Variants in LIPA observed in about 807,000 individuals in gnomAD.
The protein encoded by LIPA is lysosomal acid lipase/cholesteryl ester hydrolase.
A neutral mutation model predicts 40.6 loss-of-function variants in LIPA; 26 were observed. That is an observed-to-expected ratio of 0.64 (90% CI 0.47 to 0.89). The LOEUF is 0.89. LIPA is among the 40% of genes least tolerant of loss of function. The pLI is 0.00. For synonymous variants in LIPA, 188 were observed against 168.4 expected (o/e 1.12, Z -0.90); for missense variants, 455 against 479.6 (o/e 0.95, Z 0.48).
intron 3 of LIPA, among the ~76,000 whole-genome samples, chr10:89,232,844 A>C (rs768323214): frequency 6.6e-6 from 1 of 152,242 alleles, no homozygotes; most frequent in Non-Finnish European, 1.5e-5. Flanking sequence ...GAAAGTCTTT[A>C]AACATCCCCA....
At chr10:89,274,890 G>A (rs928182730) in intron 1 of LIPA, among the ~76,000 whole-genome samples, 1 of 152,154 alleles carries the variant, frequency 6.6e-6, no homozygotes, top group African/African-American at 2.4e-5. Context: ...GAGGCTTCTG[G>A]TGCTATGACT....
At chr10:89,410,168 G>T (rs918700099) in intron 2 of LIPA, among the ~76,000 whole-genome samples, 1 of 152,326 alleles carries the variant, frequency 6.6e-6, no homozygotes, top group South Asian at 2.1e-4. Flanking sequence ...CCATCTTAGT[G>T]TCAGAGGCTA....
At chr10:89,307,346 C>T (rs769162047) in intron 1 of LIPA, 1 of 1,604,588 alleles carries the variant, frequency 6.2e-7, no homozygotes, top group Non-Finnish European at 8.5e-7. Flanking sequence ...AAGCCTCATC[C>T]CTTCAGCATC....
At chr10:89,384,717 T>C in intron 2 of LIPA, 1 of 1,611,598 alleles carries the variant, frequency 6.2e-7, no homozygotes, top group Non-Finnish European at 8.5e-7. Flanking sequence ...GGCTGGCTGC[T>C]GACCTGAACC....
intron 2 of LIPA, chr10:89,403,188 G>A (rs1327948675): frequency 9.3e-6 from 15 of 1,613,974 alleles, no homozygotes; most frequent in African/African-American, 1.3e-5. Flanking sequence ...AATCAAGGAG[G>A]CTACAAAAGG....
chr10:89,275,116 A>G (rs1388529707), intron 1 of LIPA, among the ~76,000 whole-genome samples: 1 of 152,180 alleles, frequency 6.6e-6, no homozygotes, highest in Non-Finnish European at 1.5e-5. Flanking sequence ...TCGTGTTTTC[A>G]GTCAGGATGA....
At chr10:89,300,495 T>G (rs1415185418) in intron 1 of LIPA, among the ~76,000 whole-genome samples, 1 of 152,208 alleles carries the variant, frequency 6.6e-6, no homozygotes. Context: ...TCATTAAACA[T>G]TCTTTGCACG....
chr10:89,275,840 C>G, intron 1 of LIPA, among the ~76,000 whole-genome samples: 1 of 152,280 alleles, frequency 6.6e-6, no homozygotes, highest in Middle Eastern at 3.4e-3. Flanking sequence ...AGCTCTAGGG[C>G]TATCAGGTGA....
chr10:89,378,486 AG>A (rs1420168564), intron 2 of LIPA, among the ~76,000 whole-genome samples: 2 of 152,140 alleles, frequency 1.3e-5, no homozygotes, highest in African/African-American at 4.8e-5. Flanking sequence ...CTATAGCTGT[AG>A]GGGAGGGGCT....
chr10:89,255,862 G>A (rs1447454301), upstream of LIPA, among the ~76,000 whole-genome samples: 2 of 152,206 alleles, frequency 1.3e-5, no homozygotes, highest in African/African-American at 2.4e-5. Context: ...GCAAACAGAG[G>A]ACATGGTTAC....
chr10:89,366,876 G>A (rs1564800769), intron 2 of LIPA, among the ~76,000 whole-genome samples: 1 of 152,148 alleles, frequency 6.6e-6, no homozygotes, highest in Non-Finnish European at 1.5e-5. Context: ...ACATGCACAC[G>A]TATGTTTATT....
At chr10:89,362,510 G>T (rs2133592745) in intron 2 of LIPA, 1 of 236,206 alleles carries the variant, frequency 4.2e-6, no homozygotes, top group East Asian at 9.0e-5. Context: ...ACTAGAGAAA[G>T]AAGTTGAATG....
intron 1 of LIPA, among the ~76,000 whole-genome samples, chr10:89,310,244 G>A (rs1184220980): frequency 1.3e-5 from 2 of 152,062 alleles, no homozygotes; most frequent in African/African-American, 4.8e-5. Context: ...ACTTCTGCTT[G>A]TCTTTCTCCA....
At chr10:89,321,907 A>G (rs1013299593) in intron 1 of LIPA, among the ~76,000 whole-genome samples, 2 of 152,080 alleles carry the variant, frequency 1.3e-5, no homozygotes, top group African/African-American at 4.8e-5. Context: ...GGATGAGTTC[A>G]TGTCCTTTGT....
intron 2 of LIPA, among the ~76,000 whole-genome samples, chr10:89,348,973 T>C (rs73367460): frequency 0.056 from 8,450 of 152,250 alleles, 648 homozygotes; most frequent in African/African-American, 0.17. Context: ...CTGGGGTCAA[T>C]TGCATTTAAT....
chr10:89,315,499 T>C (rs1282025071), intron 1 of LIPA, among the ~76,000 whole-genome samples: 1 of 152,196 alleles, frequency 6.6e-6, no homozygotes, highest in Admixed American at 6.5e-5. Context: ...TAACAATTCC[T>C]TCATTATCAA....
chr10:89,308,100 A>T (rs2133523751), intron 1 of LIPA: 1 of 152,360 alleles, frequency 6.6e-6, no homozygotes, highest in Non-Finnish European at 1.5e-5. Context: ...CCCTCCTCAT[A>T]GTCATAATGT....
intron 2 of LIPA, chr10:89,392,849 G>A (rs889854864): frequency 2.2e-6 from 2 of 892,928 alleles, no homozygotes; most frequent in Non-Finnish European, 3.6e-6. Context: ...TCTGCTTATG[G>A]ACTGAATGTG....
At chr10:89,313,570 C>T (rs966483701) in intron 1 of LIPA, among the ~76,000 whole-genome samples, 20 of 152,238 alleles carry the variant, frequency 1.3e-4, no homozygotes, top group Middle Eastern at 3.4e-3. Context: ...AACATGAAAA[C>T]ATAGGTTCAC....
Sources: gnomAD v4.1 joint callset for allele counts (sites outside exome capture counted in the v4.1 genomes callset) on GRCh38, gnomAD v4.1.1 for gene constraint, MANE v1.5 for transcripts, NCBI Gene and HGNC (gene_info 2026-07-23, HGNC 2026-07-21) for gene names.